KIF1B: variants seen among roughly 807,000 people sequenced by gnomAD.
The protein encoded by KIF1B is kinesin-like protein KIF1B.
Under a neutral mutation model 241.9 loss-of-function variants are expected in KIF1B, and 76 were observed. The ratio of observed to expected loss-of-function variants is 0.31; its 90% CI spans 0.26 to 0.38. The LOEUF (loss-of-function observed/expected upper bound fraction) is 0.38. Ranked by LOEUF, KIF1B falls within the 10% of genes least tolerant of loss-of-function variation. The pLI is 1.00. For missense variants in KIF1B, 1,622 were observed against 2,271.4 expected (o/e 0.71, Z 5.81); for synonymous variants, 750 against 796.7 (o/e 0.94, Z 0.99).
Position 10,271,554 on chromosome 1 carries a change from C to T in KIF1B, c.773C>T (p.Thr258Ile). Reference protein sequence around the residue: ...DLAGSERADSTGAKGTRLKEG... With the variant: ...DLAGSERADSIGAKGTRLKEG... ...GCAGGAAGTGAACGAGCTGATTCAA[C>T]TGGTGCCAAAGGGACTCGATTAAAG... The change falls in exon 8 of 49, where the codon ACT (threonine) becomes ATT (isoleucine). Residue 258 changes from threonine (T) to isoleucine (I), a missense_variant. Thr to Ile is a moderately conservative substitution (Grantham distance 89). Around this residue, in one of 7 missense-constraint regions of KIF1B, gnomAD observed 201 missense variants for 301.2 expected, o/e 0.67. Transcript: ENST00000676179. 6.2e-7 allele frequency: 1 copy of T among 1,613,744 alleles called. No homozygotes were observed. Among genetic ancestry groups the T allele is most frequent in the Non-Finnish European group, 8.5e-7 (1 of 1,179,674 alleles).
In KIF1B at chr1:10,339,852, T is replaced by C; in HGVS notation, c.3506T>C (p.Val1169Ala). The C allele has an allele frequency of 6.2e-7, 1 of 1,613,778 alleles. No individual in the cohort carries two copies. ...GRGSPLAFYHVQNIAVEITES... is the reference protein window; with the variant it reads ...GRGSPLAFYHAQNIAVEITES... ...GGAAGTCCCCTGGCCTTTTATCATGTGCAGAATGTAAGTGACATGGACCTT... is the reference window on the plus strand; with the variant it reads ...GGAAGTCCCCTGGCCTTTTATCATGCGCAGAATGTAAGTGACATGGACCTT... Residue 1169 changes from valine (V) to alanine (A), a missense_variant, in exon 32 of 49, where the codon GTG (valine) becomes GCG (alanine). Around this residue, in one of 7 missense-constraint regions of KIF1B, gnomAD observed 803 missense variants for 1,112.0 expected, o/e 0.72. Coordinates refer to ENST00000676179, the MANE Select transcript of KIF1B (RefSeq NM_001365951.3).
intron 44 of KIF1B, 38 bp downstream of exon 44, chr1:10,368,576 A>G: frequency 3.2e-6 from 5 of 1,555,020 alleles, no homozygotes; most frequent in African/African-American, 1.4e-5. Context: ...CAGTATGTTG[A>G]TAACTGATTT....
chr1:10,219,202 C>G (rs765889677), intron 1 of KIF1B, among the ~76,000 whole-genome samples: 70 of 152,180 alleles, frequency 4.6e-4, no homozygotes, highest in Admixed American at 1.5e-3. Flanking sequence ...TGGCTCATGC[C>G]TGTAATCCCA....
chr1:10,219,515 G>A (rs529355215), intron 1 of KIF1B, among the ~76,000 whole-genome samples: 2 of 151,778 alleles, frequency 1.3e-5, no homozygotes, highest in Non-Finnish European at 2.9e-5. Context: ...CCAGCACTTC[G>A]GGAGGCCGAG....
chr1:10,334,749 G>A, intron 28 of KIF1B, 111 bp downstream of exon 28: 1 of 824,200 alleles, frequency 1.2e-6, no homozygotes, highest in Non-Finnish European at 2.1e-6. Flanking sequence ...TGGGGAGTTT[G>A]TATGTGTAAT....
chr1:10,280,614 T>C (rs1418256618), intron 14 of KIF1B, among the ~76,000 whole-genome samples: 7 of 152,158 alleles, frequency 4.6e-5, no homozygotes, highest in African/African-American at 9.7e-5. Context: ...AAACCAAACA[T>C]AGCCCTGGCT....
At chr1:10,283,660 A>G (rs1031057889) in intron 15 of KIF1B, among the ~76,000 whole-genome samples, 1 of 152,082 alleles carries the variant, frequency 6.6e-6, no homozygotes. Context: ...TGAAGCAAAT[A>G]TTTTTTCTTT....
intron 3 of KIF1B, among the ~76,000 whole-genome samples, chr1:10,258,219 G>A (rs184170176): frequency 3.3e-5 from 5 of 152,306 alleles, no homozygotes; most frequent in Admixed American, 3.3e-4. Context: ...GTTATAGAAA[G>A]TGAAATGTAA....
chr1:10,332,016 G>A (rs934019550), intron 27 of KIF1B, among the ~76,000 whole-genome samples: 5 of 152,098 alleles, frequency 3.3e-5, no homozygotes, highest in African/African-American at 1.2e-4. Context: ...AGGAGCAAAC[G>A]CAAACCTTTT....
At chr1:10,291,232 G>A (rs1287285974) in intron 16 of KIF1B, 71 bp downstream of exon 16, 3 of 1,076,146 alleles carry the variant, frequency 2.8e-6, no homozygotes, top group Non-Finnish European at 4.2e-6. Context: ...CGTAAGAAAA[G>A]ATAAAATATA....
At chr1:10,216,195 AT>A (rs781439222) in intron 1 of KIF1B, among the ~76,000 whole-genome samples, 4 of 152,148 alleles carry the variant, frequency 2.6e-5, no homozygotes, top group Non-Finnish European at 5.9e-5. Flanking sequence ...TAACTGTGAA[AT>A]TTCTTGAATT....
intron 22 of KIF1B, chr1:10,306,334 C>T: frequency 9.5e-7 from 1 of 1,047,846 alleles, no homozygotes. Context: ...ACTTGATAGG[C>T]TGCTTCAAAT....
Position 10,279,134 on chromosome 1 carries a change from C to G in KIF1B, c.1218C>G (p.Ser406Arg). 6.5e-7 allele frequency: 1 copy of G among 1,534,764 alleles called. No homozygotes were observed. The highest frequency in any genetic ancestry group is 8.8e-7 in the Non-Finnish European group (1 of 1,135,422). ...TCGATGATTACTCTGGAAGTGGAAG[C>G]AAATGTGTGTATTTCACATATTGGT... ...PLIDDYSGSG[S>R]KYLKDFQNNK... Residue 406 changes from serine to arginine, a missense_variant, in exon 14 of 49, where the codon AGC (serine) becomes AGG (arginine). Ser to Arg is a moderately radical substitution (Grantham distance 110). Transcript: ENST00000676179.
chr1:10,372,875 G>A (rs1022605217), intron 45 of KIF1B, among the ~76,000 whole-genome samples: 1 of 151,470 alleles, frequency 6.6e-6, no homozygotes, highest in Non-Finnish European at 1.5e-5. Context: ...GTGTAGTGGT[G>A]CAATCTTGGC....
intron 38 of KIF1B, among the ~76,000 whole-genome samples, chr1:10,355,807 T>C (rs1473060888): frequency 6.6e-6 from 1 of 152,246 alleles, no homozygotes; most frequent in African/African-American, 2.4e-5. Context: ...AACTGTTCAC[T>C]TTCTTCTCTG....
rs1208692082 is a variant in KIF1B, at chr1:10,303,482, A to G, written c.2115+6236A>G. On this transcript the variant is annotated intron_variant, in intron 22 of 48. Transcript: ENST00000676179. This position sits in a 1 kb window ranked among gnomAD's most constrained non-coding sequence, Gnocchi z 5.2. Reference sequence around the variant, plus strand: ...GAGATTGAAGCCCTGGCCATTGTCAAGATGAAGGAGCTTTGTGCCATGTAT... The same window carrying G: ...GAGATTGAAGCCCTGGCCATTGTCAGGATGAAGGAGCTTTGTGCCATGTAT... 2.5e-6 allele frequency: 4 copies of G among 1,614,084 alleles called. No individual in the cohort carries two copies. In the African/African-American group the frequency reaches 5.3e-5, roughly 22 times the overall value.
intron 43 of KIF1B, 81 bp from the exon 44 acceptor site, chr1:10,368,386 G>T (rs1333254795): frequency 8.6e-7 from 1 of 1,160,484 alleles, no homozygotes. Flanking sequence ...CCCTTCAGGA[G>T]CCTCCACGTG....
chr1:10,379,566 A>G lies in KIF1B; in HGVS notation c.*2979A>G, dbSNP rs201678480. ...CTCTAGTTGTTGCTGTTGTGGCGGG[A>G]AAGTTAAGAAACATAGCCCTTAAGG... On this transcript the variant is annotated 3_prime_UTR_variant, in exon 49 of 49. Coordinates refer to ENST00000676179, the MANE Select transcript of KIF1B (RefSeq NM_001365951.3). The G allele has an allele frequency of 1.3e-5, 3 of 231,344 alleles. No homozygotes were observed. The highest frequency in any genetic ancestry group is 1.7e-5 in the Non-Finnish European group (2 of 116,982). 14.3% of individuals were successfully genotyped at this position (231,344 alleles called of 1,614,324 possible).
rs1569780937 is a variant in KIF1B at position 10,305,307 on chromosome 1, T to C, written c.2115+8061T>C. On this transcript the variant is annotated intron_variant, in intron 22 of 48. Transcript: ENST00000676179. ...ATATAATGGTTTTTTCTTTTGAATG[T>C]ATCAGAATATGTATGAAATTTGTCA... is the stretch of plus-strand genomic sequence containing the variant. 5.7e-6 allele frequency: 6 copies of C among 1,046,250 alleles called. No individual in the cohort carries two copies. The East Asian group carries it at 3.4e-4, about 59-fold the overall frequency. The allele number at this position is 1,046,250 out of a possible 1,614,324, so 64.8% of individuals were successfully genotyped here. A position where few individuals can be genotyped will look rare whatever the true frequency, so the allele number is the denominator to read the frequency against.
Sources: gnomAD v4.1 joint callset for allele counts (sites outside exome capture counted in the v4.1 genomes callset) on GRCh38, gnomAD v4.1.1 for gene constraint, gnomAD v4.1.1 regional missense constraint, Gnocchi (gnomAD v3.1) non-coding constraint, MANE v1.5 for transcripts, NCBI Gene and HGNC (gene_info 2026-07-23, HGNC 2026-07-21) for gene names.